CSMD1: variants seen among roughly 807,000 people sequenced by gnomAD.
CSMD1 encodes CUB and Sushi multiple domains 1, also known as CUB and sushi domain-containing protein 1.
In CSMD1, 213 loss-of-function variants were observed where a neutral mutation model predicts 417.5. The observed-to-expected ratio is 0.51, with a 90% confidence interval of 0.46 to 0.57. The LOEUF is 0.57. CSMD1 is among the 20% of genes least tolerant of loss of function. The probability of loss-of-function intolerance (pLI) is 0.00; values close to 1 mark genes in which losing one functional copy is unlikely to be tolerated. For synonymous variants in CSMD1, 2,862 were observed against 1,736.8 expected (o/e 1.65, Z -16.11); for missense variants, 6,923 against 4,529.7 (o/e 1.53, Z -15.17).
chr8:4,327,149 G>C (rs182551587), intron 3 of CSMD1, among the ~76,000 whole-genome samples: 12 of 152,066 alleles, frequency 7.9e-5, no homozygotes, highest in African/African-American at 2.7e-4. Flanking sequence ...AGGTCTACTA[G>C]ACAACAAATG....
chr8:3,801,390 A>G (rs1288599517), intron 5 of CSMD1, among the ~76,000 whole-genome samples: 7 of 152,156 alleles, frequency 4.6e-5, no homozygotes, highest in Non-Finnish European at 8.8e-5. Flanking sequence ...TTAAGAAATT[A>G]AATTTAAAAC....
intron 1 of CSMD1, among the ~76,000 whole-genome samples, chr8:4,722,210 A>T (rs1353104134): frequency 3.3e-5 from 5 of 152,184 alleles, no homozygotes; most frequent in Admixed American, 1.3e-4. Flanking sequence ...TAAATATATT[A>T]AATATATTGC....
intron 49 of CSMD1, among the ~76,000 whole-genome samples, chr8:3,074,812 G>C (rs375079320): frequency 1.3e-5 from 2 of 152,140 alleles, no homozygotes; most frequent in East Asian, 3.9e-4. Flanking sequence ...TGGAAAGTGT[G>C]ATATCATTCA....
chr8:3,596,047 C>T (rs1801077412), intron 8 of CSMD1, among the ~76,000 whole-genome samples: 1 of 144,356 alleles, frequency 6.9e-6, no homozygotes, highest in Admixed American at 7.1e-5. Context: ...TGCCTATTTT[C>T]CACGTGGGCT....
At chr8:3,955,537 G>A (rs538435279) in intron 5 of CSMD1, among the ~76,000 whole-genome samples, 4 of 152,148 alleles carry the variant, frequency 2.6e-5, no homozygotes, top group Non-Finnish European at 5.9e-5. Context: ...AGTCAGTAGA[G>A]GATTTGGCGT....
rs370479522 is a variant in CSMD1, at chr8:4,891,306, G to C, written c.85+103026C>G. 3.9e-5 allele frequency among the ~76,000 whole-genome samples: 6 copies of C among 152,098 alleles called. No individual in the cohort carries two copies. In the South Asian group the frequency reaches 1.0e-3, roughly 26 times the overall value. ...ATACTCTTACAAGTGAAGACACTAA[G>C]CTAACAATGTAACCTTACTTGAAAG... is the stretch of plus-strand genomic sequence containing the variant. On this transcript the variant is annotated intron_variant, in intron 1 of 69. Transcript: ENST00000635120.
Position 4,364,817 on chromosome 8 carries a change from T to A in CSMD1, c.415+55136A>T, listed in dbSNP as rs1801972178. On this transcript the variant is annotated intron_variant, in intron 3 of 69. Transcript: ENST00000635120. ...TCCAGCCTGCGCGACAGAGCGAGAC[T>A]CCTTCTCAAAAAAAAAAAAAAAAAA... Among the ~76,000 whole-genome samples, 7 of 102,194 alleles carry A rather than the reference T, an allele frequency of 6.8e-5. 3 individuals are homozygous for A. The Admixed American group carries it at 8.8e-4, about 13-fold the overall frequency. 67.0% of individuals were successfully genotyped at this position (102,194 alleles called of 152,430 possible).
chr8:4,294,875 T>G (rs1035455707), intron 3 of CSMD1, among the ~76,000 whole-genome samples: 16 of 151,894 alleles, frequency 1.1e-4, no homozygotes, highest in Middle Eastern at 3.4e-3. Context: ...TCTTTGCCCT[T>G]TTAGTAGCTG....
At chr8:3,333,174 C>G (rs1807020793) in intron 23 of CSMD1, among the ~76,000 whole-genome samples, 1 of 152,162 alleles carries the variant, frequency 6.6e-6, no homozygotes, top group South Asian at 2.1e-4. Context: ...GCCCCTGACA[C>G]TCAGATGAGA....
At chr8:3,257,261 T>TCGCA (rs1800722001) in intron 26 of CSMD1, among the ~76,000 whole-genome samples, 1 of 152,200 alleles carries the variant, frequency 6.6e-6, no homozygotes, top group East Asian at 1.9e-4. Flanking sequence ...GAGGCAGAGT[T>TCGCA]CGCAGCAAGC....
At chr8:3,420,438 G>C (rs1295484172) in intron 12 of CSMD1, among the ~76,000 whole-genome samples, 1 of 148,418 alleles carries the variant, frequency 6.7e-6, no homozygotes, top group African/African-American at 2.5e-5. Flanking sequence ...AAAAAAAAAA[G>C]CCATGGAAAT....
chr8:4,780,526 T>G (rs1234141210), intron 1 of CSMD1, among the ~76,000 whole-genome samples: 4 of 152,154 alleles, frequency 2.6e-5, no homozygotes, highest in African/African-American at 9.7e-5. Flanking sequence ...CGAACCTGCC[T>G]TGATGTTTTG....
intron 69 of CSMD1, among the ~76,000 whole-genome samples, chr8:2,940,170 G>C (rs1362669194): frequency 6.6e-6 from 1 of 152,160 alleles, no homozygotes; most frequent in Non-Finnish European, 1.5e-5. Context: ...TACAGGCTTG[G>C]TGCTTTCCTG....
chr8:3,981,794 G>C (rs1006778295), intron 5 of CSMD1, among the ~76,000 whole-genome samples: 1 of 152,200 alleles, frequency 6.6e-6, no homozygotes, highest in South Asian at 2.1e-4. Flanking sequence ...GTCAAGAGAA[G>C]AGGCAGTTAG....
chr8:3,879,399 C>A (rs185573382), intron 5 of CSMD1, among the ~76,000 whole-genome samples: 1 of 152,230 alleles, frequency 6.6e-6, no homozygotes, highest in African/African-American at 2.4e-5. Flanking sequence ...CACTGTAGCA[C>A]AAGCCAATTA....
chr8:3,581,795 G>A (rs925297318), intron 9 of CSMD1, among the ~76,000 whole-genome samples: 1 of 152,020 alleles, frequency 6.6e-6, no homozygotes, highest in Non-Finnish European at 1.5e-5. Context: ...CTATGATGCT[G>A]TCTTTTTTTT....
intron 62 of CSMD1, among the ~76,000 whole-genome samples, chr8:2,958,176 T>C (rs1803156734): frequency 6.6e-6 from 1 of 152,250 alleles, no homozygotes; most frequent in African/African-American, 2.4e-5. Context: ...AAAATTACTT[T>C]TGTTAGCATT....
At chr8:3,853,719 C>A (rs568416723) in intron 5 of CSMD1, among the ~76,000 whole-genome samples, 4 of 151,716 alleles carry the variant, frequency 2.6e-5, no homozygotes, top group Non-Finnish European at 5.9e-5. Context: ...GAAACCACCT[C>A]GGGGTGGGGG....
At chr8:3,651,949 CCAT>C (rs1797877973) in intron 7 of CSMD1, among the ~76,000 whole-genome samples, 1 of 151,786 alleles carries the variant, frequency 6.6e-6, no homozygotes, top group Non-Finnish European at 1.5e-5. Flanking sequence ...GGGCCTACCA[CCAT>C]CAGAGCGCCA....
Sources: allele counts gnomAD v4.1 joint callset (sites outside exome capture counted in the v4.1 genomes callset), GRCh38; gene constraint gnomAD v4.1.1; transcripts MANE v1.5; gene names NCBI Gene and HGNC (gene_info 2026-07-23, HGNC 2026-07-21).